TRPC4: variants seen among roughly 807,000 people sequenced by gnomAD.
TRPC4 encodes transient receptor potential cation channel subfamily C member 4, also known as short transient receptor potential channel 4.
A neutral mutation model predicts 99.4 loss-of-function variants in TRPC4; 49 were observed. The observed-to-expected ratio is 0.49, with a 90% CI of 0.39 to 0.63. The LOEUF (loss-of-function observed/expected upper bound fraction) is 0.63, where lower values mean the gene tolerates loss of function less well. TRPC4 is among the 20% of genes least tolerant of loss of function. The probability of loss-of-function intolerance (pLI) is 0.00; values close to 1 mark genes in which losing one functional copy is unlikely to be tolerated. For missense variants in TRPC4, 898 were observed against 1,152.9 expected (o/e 0.78, Z 3.20); for synonymous variants, 454 against 425.9 (o/e 1.07, Z -0.81).
intron 3 of TRPC4, among the ~76,000 whole-genome samples, chr13:37,694,719 C>T (rs528819262): frequency 1.3e-5 from 2 of 151,936 alleles, no homozygotes; most frequent in South Asian, 2.1e-4. Context: ...CGTAATTTTA[C>T]GTTAAACACA....
At chr13:37,767,603 T>A (rs1036125099) in intron 2 of TRPC4, among the ~76,000 whole-genome samples, 21 of 151,460 alleles carry the variant, frequency 1.4e-4, no homozygotes, top group African/African-American at 4.8e-4. Flanking sequence ...TATTCCCACA[T>A]AATTTCTTAA....
intron 2 of TRPC4, among the ~76,000 whole-genome samples, chr13:37,753,450 G>C (rs543889200): frequency 9.9e-4 from 151 of 151,996 alleles, no homozygotes; most frequent in South Asian, 7.9e-3. Context: ...GTTGGAGGCA[G>C]GTAAAGAAGG....
intron 1 of TRPC4, among the ~76,000 whole-genome samples, chr13:37,833,317 A>G (rs1316948165): frequency 6.6e-6 from 1 of 152,106 alleles, no homozygotes; most frequent in Non-Finnish European, 1.5e-5. Context: ...GCTCAGTTAT[A>G]GAAAAAAAAA....
chr13:37,795,013 G>A (rs1420158700), intron 1 of TRPC4, among the ~76,000 whole-genome samples: 6 of 152,004 alleles, frequency 3.9e-5, no homozygotes, highest in Admixed American at 6.6e-5. Context: ...TGTTTTATAA[G>A]ATGCAATTAA....
chr13:37,787,672 T>C (rs961875172), intron 1 of TRPC4, among the ~76,000 whole-genome samples: 2 of 152,068 alleles, frequency 1.3e-5, no homozygotes, highest in South Asian at 2.1e-4. Context: ...CAAAGTGCAA[T>C]GAACTACTAA....
intron 1 of TRPC4, among the ~76,000 whole-genome samples, chr13:37,806,036 G>A (rs996488874): frequency 6.6e-6 from 1 of 151,954 alleles, no homozygotes; most frequent in Non-Finnish European, 1.5e-5. Context: ...AGAGGAGTAA[G>A]TTCATAGCAT....
At chr13:37,642,879 T>C (rs899724874) in intron 8 of TRPC4, among the ~76,000 whole-genome samples, 2 of 151,974 alleles carry the variant, frequency 1.3e-5, no homozygotes, top group Non-Finnish European at 2.9e-5. Context: ...TACAGGTGCA[T>C]GGCACCACGC....
chr13:37,861,899 C>T (rs1344607421), intron 1 of TRPC4, among the ~76,000 whole-genome samples: 2 of 151,428 alleles, frequency 1.3e-5, no homozygotes, highest in African/African-American at 4.8e-5. Context: ...CATGATAACC[C>T]TCAGAAAGCA....
rs1397125587 is a variant in TRPC4 at position 37,864,386 on chromosome 13, AG to A, written c.-28+5208del. 7.9e-5 allele frequency among the ~76,000 whole-genome samples: 12 copies of A among 151,814 alleles called. No homozygotes were observed. The East Asian group carries it at 2.1e-3, about 27-fold the overall frequency. ...TAAAAATGAGCATTATAGAGTAAGT[AG>A]CTGACTGAAAGTTAAGTTTATTGAA... On this transcript the variant is annotated intron_variant, in intron 1 of 10. Coordinates refer to ENST00000379705, the MANE Select transcript of TRPC4 (RefSeq NM_016179.4).
At chr13:37,732,777 A>G (rs1034583455) in intron 3 of TRPC4, among the ~76,000 whole-genome samples, 1 of 152,178 alleles carries the variant, frequency 6.6e-6, no homozygotes, top group Non-Finnish European at 1.5e-5. Context: ...AGATCTTTAC[A>G]AGGAAAACTA....
At chr13:37,833,495 C>T (rs1031206003) in intron 1 of TRPC4, among the ~76,000 whole-genome samples, 9 of 152,146 alleles carry the variant, frequency 5.9e-5, no homozygotes, top group African/African-American at 2.2e-4. Flanking sequence ...AGATGGGCAG[C>T]TGACGATCTT....
intron 3 of TRPC4, among the ~76,000 whole-genome samples, chr13:37,728,643 A>G (rs1802979560): frequency 6.6e-6 from 1 of 152,120 alleles, no homozygotes; most frequent in South Asian, 2.1e-4. Flanking sequence ...ATCCCTATAC[A>G]AAGCCCAGTG....
At chr13:37,778,054 A>G (rs528227774) in intron 2 of TRPC4, among the ~76,000 whole-genome samples, 136 of 152,206 alleles carry the variant, frequency 8.9e-4, no homozygotes, top group Admixed American at 1.6e-3. Context: ...GCATTATAAT[A>G]TTCATGATAG....
intron 1 of TRPC4, among the ~76,000 whole-genome samples, chr13:37,860,430 C>G (rs1488134244): frequency 1.3e-5 from 2 of 151,284 alleles, no homozygotes; most frequent in African/African-American, 4.8e-5. Flanking sequence ...ATTCAATGTG[C>G]CTTTTCTGTA....
chr13:37,861,364 G>A (rs981243030), intron 1 of TRPC4, among the ~76,000 whole-genome samples: 6 of 151,442 alleles, frequency 4.0e-5, no homozygotes, highest in African/African-American at 9.7e-5. Context: ...ATCTAAAAAT[G>A]GGCAATTTTC....
chr13:37,671,011 G>A (rs951316313), intron 5 of TRPC4, among the ~76,000 whole-genome samples: 1 of 152,008 alleles, frequency 6.6e-6, no homozygotes, highest in African/African-American at 2.4e-5. Flanking sequence ...TAAGATCCTT[G>A]TTTACATGCA....
chr13:37,783,865 T>C (rs2139354017), intron 1 of TRPC4, among the ~76,000 whole-genome samples: 1 of 151,934 alleles, frequency 6.6e-6, no homozygotes, highest in South Asian at 2.1e-4. Context: ...TTTTGTTTTG[T>C]TTTGTTTTGT....
rs5802894 is a variant in TRPC4 at position 37,696,916 on chromosome 13, C to CTT, written c.898-4583_898-4582dup. On this transcript the variant is annotated intron_variant, in intron 3 of 10. Transcript: ENST00000379705. ...TTAACTTTTTCCATAGCTGAAACAT[C>CTT]TTTTTTTTTTTTTTTTTAAATCTTT... is the stretch of plus-strand genomic sequence containing the variant. Among the ~76,000 whole-genome samples, 905 of 140,948 alleles carry CTT rather than the reference C, an allele frequency of 6.4e-3. 8 individuals carry two copies. Among genetic ancestry groups the CTT allele is most frequent in the East Asian group, 0.025 (118 of 4,804 alleles). The allele number at this position is 140,948 out of a possible 152,430, so 92.5% of individuals were successfully genotyped here. A position where few individuals can be genotyped will look rare whatever the true frequency, so the allele number is the denominator to read the frequency against.
chr13:37,834,580 T>C (rs1226095781), intron 1 of TRPC4, among the ~76,000 whole-genome samples: 1 of 152,224 alleles, frequency 6.6e-6, no homozygotes, highest in Non-Finnish European at 1.5e-5. Context: ...AAGAATATGT[T>C]CTTGCCATAC....
Sources: gnomAD v4.1 joint callset for allele counts (sites outside exome capture counted in the v4.1 genomes callset) on GRCh38, gnomAD v4.1.1 for gene constraint, MANE v1.5 for transcripts, NCBI Gene and HGNC (gene_info 2026-07-23, HGNC 2026-07-21) for gene names.